The following DACH1 variants were observed in gnomAD, a reference collection of about 807,000 sequenced individuals.
The protein encoded by DACH1 is dachshund family transcription factor 1.
Under a neutral mutation model 54.2 loss-of-function variants are expected in DACH1, and 12 were observed. That is an observed-to-expected ratio of 0.22 (90% CI 0.14 to 0.36). The LOEUF is 0.36. Among genes scored for constraint, DACH1 ranks in the 10% least tolerant of loss-of-function variants. The probability of loss-of-function intolerance (pLI) is 1.00; values close to 1 mark genes in which losing one functional copy is unlikely to be tolerated. For missense variants in DACH1, 805 were observed against 929.8 expected, an observed-to-expected ratio of 0.87 and a Z score of 1.75; for synonymous variants, 386 against 366.2, an observed-to-expected ratio of 1.05 and a Z score of -0.62.
intron 2 of DACH1, among the ~76,000 whole-genome samples, chr13:71,641,219 T>C (rs565421074): frequency 1.5e-4 from 23 of 152,226 alleles, no homozygotes; most frequent in African/African-American, 4.6e-4. Flanking sequence ...AGAAATTTAT[T>C]CATATATACA....
At chr13:71,530,652 C>T (rs1230494446) in intron 6 of DACH1, among the ~76,000 whole-genome samples, 1 of 151,948 alleles carries the variant, frequency 6.6e-6, no homozygotes, top group East Asian at 1.9e-4. Flanking sequence ...TTACAGACCT[C>T]TAATTCTTTC....
At chr13:71,704,984 A>AT (rs1457613110) in intron 1 of DACH1, among the ~76,000 whole-genome samples, 1 of 152,206 alleles carries the variant, frequency 6.6e-6, no homozygotes, top group Non-Finnish European at 1.5e-5. Flanking sequence ...CAAAAATAAA[A>AT]TAAATTCGGT....
chr13:71,753,767 C>G (rs1885022784), intron 1 of DACH1, among the ~76,000 whole-genome samples: 1 of 152,092 alleles, frequency 6.6e-6, no homozygotes, highest in African/African-American at 2.4e-5. Context: ...TTGGATTATT[C>G]CATATTTCCT....
At position 71,779,240 on chromosome 13, in the gene DACH1, T is replaced by C. The variant is rs9592804; in HGVS notation, c.848+86682A>G. 9.6e-5 allele frequency among the ~76,000 whole-genome samples: 9 copies of C among 93,466 alleles called. No homozygotes were observed. In the East Asian group the frequency reaches 3.2e-3, roughly 34 times the overall value. 61.3% of individuals were successfully genotyped at this position (93,466 alleles called of 152,430 possible). A position where few individuals can be genotyped will look rare whatever the true frequency, so the allele number is the denominator to read the frequency against. Reference sequence around the variant, plus strand: ...ATACGTATATACGTATATATACACATATATACGTATATACGTATATATGTG... The same window carrying C: ...ATACGTATATACGTATATATACACACATATACGTATATACGTATATATGTG... On this transcript the variant is annotated intron_variant, in intron 1 of 10. Coordinates refer to ENST00000613252, the MANE Select transcript of DACH1 (RefSeq NM_080759.6).
chr13:71,731,279 T>TTCTTG (rs1174227315), intron 1 of DACH1, among the ~76,000 whole-genome samples: 4 of 150,432 alleles, frequency 2.7e-5, no homozygotes, highest in Non-Finnish European at 5.9e-5. Context: ...TTTCCTTGGT[T>TTCTTG]TCTTGATCTT....
chr13:71,483,358 T>C (rs1013778628), intron 7 of DACH1, among the ~76,000 whole-genome samples: 4 of 147,314 alleles, frequency 2.7e-5, no homozygotes, highest in African/African-American at 9.9e-5. Flanking sequence ...TATATATAAT[T>C]ATATATTATA....
At position 71,756,984 on chromosome 13, in the gene DACH1, T is replaced by A. The variant is rs138047082; in HGVS notation, c.849-75074A>T. On this transcript the variant is annotated intron_variant, in intron 1 of 10. Coordinates refer to ENST00000613252, the MANE Select transcript of DACH1 (RefSeq NM_080759.6). ...ACGTAACAAATTTGTAACAAAAAACTCATATACTGTGACTGTTTGATTTTT... is the reference window on the plus strand; with the variant it reads ...ACGTAACAAATTTGTAACAAAAAACACATATACTGTGACTGTTTGATTTTT... Among the ~76,000 whole-genome samples, 1,337 of 152,158 alleles carry A rather than the reference T, an allele frequency of 8.8e-3. 11 individuals are homozygous for A. Among genetic ancestry groups the A allele is most frequent in the Non-Finnish European group, 0.013 (883 of 68,030 alleles).
intron 1 of DACH1, among the ~76,000 whole-genome samples, chr13:71,829,480 T>C (rs1175473173): frequency 1.3e-5 from 2 of 152,016 alleles, no homozygotes; most frequent in African/African-American, 2.4e-5. Flanking sequence ...AATTCAACTG[T>C]ATAAATTTAT....
intron 6 of DACH1, among the ~76,000 whole-genome samples, chr13:71,509,459 G>A (rs1196106077): frequency 1.3e-5 from 2 of 152,078 alleles, no homozygotes; most frequent in East Asian, 1.9e-4. Flanking sequence ...GAGAAATTAA[G>A]AGTACAAATA....
At chr13:71,681,026 GA>G (rs1229076388) in intron 2 of DACH1, among the ~76,000 whole-genome samples, 1 of 151,452 alleles carries the variant, frequency 6.6e-6, no homozygotes, top group East Asian at 1.9e-4. Flanking sequence ...ATATGATAAA[GA>G]AAAAACATTA....
intron 1 of DACH1, among the ~76,000 whole-genome samples, chr13:71,792,656 A>G (rs952397921): frequency 6.6e-6 from 1 of 152,182 alleles, no homozygotes; most frequent in Non-Finnish European, 1.5e-5. Flanking sequence ...TGTATGTTCA[A>G]TATCACCCTC....
chr13:71,834,340 T>C (rs1888701348), intron 1 of DACH1, among the ~76,000 whole-genome samples: 1 of 151,986 alleles, frequency 6.6e-6, no homozygotes, highest in Non-Finnish European at 1.5e-5. Context: ...AACAGGGTTA[T>C]GAGGGAAGCA....
intron 3 of DACH1, among the ~76,000 whole-genome samples, chr13:71,605,653 C>T (rs1264697917): frequency 2.0e-4 from 31 of 151,754 alleles, no homozygotes; most frequent in Non-Finnish European, 2.9e-4. Context: ...CACAGCAATT[C>T]ATTAAAAGAG....
chr13:71,474,939 A>C (rs1265328828), intron 10 of DACH1, among the ~76,000 whole-genome samples: 1 of 152,228 alleles, frequency 6.6e-6, no homozygotes, highest in African/African-American at 2.4e-5. Context: ...GCATTGTATA[A>C]ACAGAGATGA....
At chr13:71,662,474 A>G (rs916604054) in intron 2 of DACH1, among the ~76,000 whole-genome samples, 4 of 152,004 alleles carry the variant, frequency 2.6e-5, no homozygotes, top group African/African-American at 7.2e-5. Flanking sequence ...CTCATCTGTA[A>G]AATGGAAATG....
chr13:71,761,841 G>A (rs999978750), intron 1 of DACH1, among the ~76,000 whole-genome samples: 7 of 151,968 alleles, frequency 4.6e-5, no homozygotes, highest in African/African-American at 1.5e-4. Flanking sequence ...TCAAGATAAA[G>A]CCATATGTGA....
chr13:71,578,087 T>C (rs892806614), intron 3 of DACH1, among the ~76,000 whole-genome samples: 1 of 152,116 alleles, frequency 6.6e-6, no homozygotes, highest in African/African-American at 2.4e-5. Context: ...ATAGTAAAAA[T>C]ATATTTGACT....
rs559187336 is a variant in DACH1 at position 71,850,649 on chromosome 13, C to T, written c.848+15273G>A. On this transcript the variant is annotated intron_variant, in intron 1 of 10. Coordinates refer to ENST00000613252, the MANE Select transcript of DACH1 (RefSeq NM_080759.6). Reference sequence around the variant, plus strand: ...AATGTTGAGGAGTAATACATTAATTCACTATATATGTGCTATATAAATTGT... The same window carrying T: ...AATGTTGAGGAGTAATACATTAATTTACTATATATGTGCTATATAAATTGT... 1.9e-4 allele frequency among the ~76,000 whole-genome samples: 29 copies of T among 152,278 alleles called. 1 individual carries two copies. The East Asian group carries it at 5.6e-3, about 29-fold the overall frequency.
chr13:71,753,278 A>G (rs1052598811), intron 1 of DACH1, among the ~76,000 whole-genome samples: 2 of 152,208 alleles, frequency 1.3e-5, no homozygotes, highest in African/African-American at 2.4e-5. Context: ...CCATTTTACC[A>G]GATCAATATC....
Sources: gnomAD v4.1 joint callset for allele counts (sites outside exome capture counted in the v4.1 genomes callset) on GRCh38, gnomAD v4.1.1 for gene constraint, MANE v1.5 for transcripts, NCBI Gene and HGNC (gene_info 2026-07-23, HGNC 2026-07-21) for gene names.